TNPO3: variants seen among roughly 807,000 people sequenced by gnomAD.
The protein encoded by TNPO3 is transportin-3.
A neutral mutation model predicts 122.8 loss-of-function variants in TNPO3; 65 were observed. The observed-to-expected ratio is 0.53, with a 90% CI of 0.43 to 0.65. TNPO3 has a LOEUF of 0.65. TNPO3 is among the 30% of genes least tolerant of loss of function. The pLI is 0.00. For missense variants in TNPO3, 850 were observed against 1,136.7 expected, an observed-to-expected ratio of 0.75 and a Z score of 3.63; for synonymous variants, 372 against 411.2, an observed-to-expected ratio of 0.90 and a Z score of 1.15.
chr7:128,989,619 G>C (rs1272044014), intron 11 of TNPO3, among the ~76,000 whole-genome samples: 2 of 152,154 alleles, frequency 1.3e-5, no homozygotes, highest in African/African-American at 4.8e-5. Context: ...TGGTCCTTGA[G>C]TAGCTTCTAG....
Position 128,992,015 on chromosome 7 carries a change from C to T in TNPO3, c.1342G>A (p.Ala448Thr), listed in dbSNP as rs775393653. The T allele has an allele frequency of 4.3e-6, 7 of 1,609,366 alleles. No individual in the cohort carries two copies. Among genetic ancestry groups the T allele is most frequent in the Non-Finnish European group, 5.9e-6 (7 of 1,177,764 alleles). ...GACACTCACGGATCAACACTCTTTGCTATAGCAGCCATGATAAAGAGAACC... is the reference window on the plus strand; with the variant it reads ...GACACTCACGGATCAACACTCTTTGTTATAGCAGCCATGATAAAGAGAACC... ...EAVLFIMAAIAKSVDPENNPT... is the reference protein window; with the variant it reads ...EAVLFIMAAITKSVDPENNPT... Residue 448 changes from alanine to threonine, a missense_variant, in exon 10 of 23, where the codon GCA (alanine) becomes ACA (threonine). By Grantham distance (58) the Ala-to-Thr change is moderately conservative. Coordinates refer to ENST00000265388, the MANE Select transcript of TNPO3 (RefSeq NM_012470.4).
chr7:129,046,910 T>A (rs1808122593), intron 1 of TNPO3, among the ~76,000 whole-genome samples: 1 of 152,170 alleles, frequency 6.6e-6, no homozygotes, highest in East Asian at 1.9e-4. Context: ...ATGATTCAAT[T>A]ACCTCTACCT....
chr7:129,017,473 G>A (rs945968794), intron 2 of TNPO3, among the ~76,000 whole-genome samples: 2 of 152,122 alleles, frequency 1.3e-5, no homozygotes, highest in Non-Finnish European at 2.9e-5. Flanking sequence ...CCTTCTCTTT[G>A]CATTTGTCAT....
rs1799923455 is a variant in TNPO3, at chr7:128,984,259, C to T, written c.1691G>A (p.Gly564Glu). 6.2e-7 allele frequency: 1 copy of T among 1,604,212 alleles called. No individual in the cohort carries two copies. The highest frequency in any genetic ancestry group is 8.5e-7 in the Non-Finnish European group (1 of 1,175,306). Residue 564 changes from glycine to glutamate, a missense_variant and splice_region_variant, in exon 13 of 23, where the codon GGG becomes GAG. Coordinates refer to ENST00000265388, the MANE Select transcript of TNPO3 (RefSeq NM_012470.4). The part of the protein sequence containing the change: ...SPEAAVGLLK[G>E]TALVLARLPL... ...TAATCGGGCTAGGACAAGTGCTGTC[C>T]CTGAAAAACAAAGGAAGATACAAAT... is the stretch of plus-strand genomic sequence containing the variant.
At chr7:128,972,641 G>GTT in intron 18 of TNPO3, 59 bp from the exon 19 acceptor site, 1 of 1,512,610 alleles carries the variant, frequency 6.6e-7, no homozygotes, top group Non-Finnish European at 9.0e-7. Context: ...AAGCAGCCAG[G>GTT]GTAAAAGGGC....
At chr7:128,982,203 T>C in intron 14 of TNPO3, 45 bp downstream of exon 14, 9 of 1,532,006 alleles carry the variant, frequency 5.9e-6, no homozygotes, top group Non-Finnish European at 8.1e-6. Context: ...ATGGTTTCAT[T>C]TGAGCCTTTA....
chr7:128,955,926 T>C (rs901661524), intron 22 of TNPO3, among the ~76,000 whole-genome samples: 6 of 152,234 alleles, frequency 3.9e-5, no homozygotes, highest in African/African-American at 9.6e-5. Flanking sequence ...TTGTTAAACA[T>C]TGTTGAACCT....
At chr7:128,960,563 T>C (rs1373917622) in intron 21 of TNPO3, among the ~76,000 whole-genome samples, 1 of 137,820 alleles carries the variant, frequency 7.3e-6, no homozygotes, top group African/African-American at 2.5e-5. Flanking sequence ...AACAAAAAAG[T>C]TTAAAAGCTA....
At position 129,054,934 on chromosome 7, in the gene TNPO3, G is replaced by A; in HGVS notation, c.-164C>T. 2.3e-6 allele frequency: 2 copies of A among 883,174 alleles called. No homozygotes were observed. Among genetic ancestry groups the A allele is most frequent in the East Asian group, 2.7e-5 (1 of 37,386 alleles). The allele number at this position is 883,174 out of a possible 1,614,324, so 54.7% of individuals were successfully genotyped here. On this transcript the variant is annotated 5_prime_UTR_variant, in exon 1 of 23. Transcript: ENST00000265388. ...CCAGGGCAGAAGGCTCTCCGTGGAA[G>A]TTGCCCCCTCGGAAACAGCTATTAG...
At chr7:129,006,026 GC>G (rs1302759596) in intron 4 of TNPO3, among the ~76,000 whole-genome samples, 4 of 151,684 alleles carry the variant, frequency 2.6e-5, no homozygotes. Flanking sequence ...CAGGCAATCC[GC>G]CCACCTTGGC....
At chr7:128,958,691 C>A (rs117882089) in intron 21 of TNPO3, among the ~76,000 whole-genome samples, 142 of 152,300 alleles carry the variant, frequency 9.3e-4, no homozygotes, top group Non-Finnish European at 1.4e-3. Context: ...CATTAAGAAC[C>A]TTGACTTAGA....
chr7:129,002,934 G>T (rs1272658204), intron 5 of TNPO3, among the ~76,000 whole-genome samples: 1 of 150,840 alleles, frequency 6.6e-6, no homozygotes, highest in Non-Finnish European at 1.5e-5. Context: ...CAGCTACTGA[G>T]GAGGCTGAGG....
At chr7:129,035,569 T>TCA (rs922233178) in intron 1 of TNPO3, among the ~76,000 whole-genome samples, 13 of 151,914 alleles carry the variant, frequency 8.6e-5, no homozygotes, top group African/African-American at 2.9e-4. Flanking sequence ...TGAGCCTTGA[T>TCA]CACACCATTG....
At position 129,054,939 on chromosome 7, in the gene TNPO3, C is replaced by G; in HGVS notation, c.-169G>C. 1 of 841,258 alleles carries G rather than the reference C, an allele frequency of 1.2e-6. No homozygotes were observed. Among genetic ancestry groups the G allele is most frequent in the Non-Finnish European group, 1.8e-6 (1 of 553,084 alleles). 52.1% of individuals were successfully genotyped at this position (841,258 alleles called of 1,614,324 possible). ...GCAGAAGGCTCTCCGTGGAAGTTGC[C>G]CCCTCGGAAACAGCTATTAGGTCGT... On this transcript the variant is annotated 5_prime_UTR_variant, in exon 1 of 23. Transcript: ENST00000265388.
chr7:129,046,040 A>G (rs1343697095), intron 1 of TNPO3, among the ~76,000 whole-genome samples: 1 of 151,914 alleles, frequency 6.6e-6, no homozygotes. Context: ...TCCACTAACA[A>G]TACAAAAAAT....
At chr7:129,053,357 T>C (rs1013637460) in intron 1 of TNPO3, among the ~76,000 whole-genome samples, 5 of 149,388 alleles carry the variant, frequency 3.3e-5, no homozygotes, top group African/African-American at 1.2e-4. Flanking sequence ...TAGTCGGGTG[T>C]CAGGGCAGGC....
At chr7:129,031,616 T>C (rs1372594512) in intron 1 of TNPO3, among the ~76,000 whole-genome samples, 2 of 152,022 alleles carry the variant, frequency 1.3e-5, no homozygotes, top group Non-Finnish European at 2.9e-5. Flanking sequence ...CTACAAAACA[T>C]GTAAAGAAAT....
chr7:129,001,962 C>T (rs988243962), intron 5 of TNPO3, among the ~76,000 whole-genome samples: 1 of 152,142 alleles, frequency 6.6e-6, no homozygotes, highest in Non-Finnish European at 1.5e-5. Context: ...AAGACACATA[C>T]CTAAACACAT....
chr7:129,030,493 T>C (rs545571176), intron 1 of TNPO3: 1 of 153,906 alleles, frequency 6.5e-6, no homozygotes, highest in Admixed American at 6.6e-5. Context: ...GAATGAAACA[T>C]CAATCAGCAA....
Sources: gnomAD v4.1 joint callset for allele counts (sites outside exome capture counted in the v4.1 genomes callset) on GRCh38, gnomAD v4.1.1 for gene constraint, MANE v1.5 for transcripts, NCBI Gene and HGNC (gene_info 2026-07-23, HGNC 2026-07-21) for gene names.